Variants in ENKUR observed in about 807,000 individuals in gnomAD.
ENKUR encodes the protein enkurin, TRPC channel interacting protein.
Under a neutral mutation model 27.6 loss-of-function variants are expected in ENKUR, and 19 were observed. The observed-to-expected ratio is 0.69, with a 90% CI of 0.48 to 1.01. The LOEUF (loss-of-function observed/expected upper bound fraction) is 1.01, where lower values mean the gene tolerates loss of function less well. Ranked by LOEUF, ENKUR falls within the 50% of genes least tolerant of loss-of-function variation. The pLI is 0.00. For missense variants in ENKUR, 312 were observed against 310.5 expected (o/e 1.00, Z -0.04); for synonymous variants, 117 against 96.9 (o/e 1.21, Z -1.22).
chr10:25,046,925 A>G (rs12251969), intron 2 of ENKUR, among the ~76,000 whole-genome samples: 10,073 of 152,234 alleles, frequency 0.066, 1,091 homozygotes, highest in African/African-American at 0.23. Context: ...ATGTTTCAGT[A>G]GAAGCTATTT....
chr10:25,020,886 G>A (rs1850706078), upstream of ENKUR, among the ~76,000 whole-genome samples: 1 of 152,178 alleles, frequency 6.6e-6, no homozygotes, highest in African/African-American at 2.4e-5. Context: ...CTGAATAGGA[G>A]GTTAATCAGA....
At chr10:25,034,457 T>C (rs1342238517) in intron 2 of ENKUR, among the ~76,000 whole-genome samples, 1 of 152,206 alleles carries the variant, frequency 6.6e-6, no homozygotes, top group Non-Finnish European at 1.5e-5. Context: ...ATCTGAATGA[T>C]TCCGTTTCCC....
At chr10:25,019,023 G>A (rs1850667666), upstream of ENKUR, among the ~76,000 whole-genome samples, 1 of 152,154 alleles carries the variant, frequency 6.6e-6, no homozygotes, top group Admixed American at 6.5e-5. Flanking sequence ...CAAGTGGGAG[G>A]CCCTCTGAAT....
rs1468679390 is a variant in ENKUR at position 25,040,605 on chromosome 10, C to T, written c.37+20507G>A. 3.9e-5 allele frequency among the ~76,000 whole-genome samples: 6 copies of T among 152,052 alleles called. No homozygotes were observed. The East Asian group carries it at 1.2e-3, about 29-fold the overall frequency. On this transcript the variant is annotated intron_variant, in intron 2 of 5. Transcript: ENST00000615958. The stretch of plus-strand genomic sequence containing the variant: ...CAGGATGGTCTCGATCTCCTGACCG[C>T]GTGATCCACCCACCTCGGCCTCCCA...
intron 4 of ENKUR, among the ~76,000 whole-genome samples, chr10:24,989,077 C>T (rs989616715): frequency 2.0e-5 from 3 of 152,074 alleles, no homozygotes; most frequent in African/African-American, 7.2e-5. Flanking sequence ...AAGGGAAGGA[C>T]CTGTCACTTC....
chr10:25,033,373 C>T lies in ENKUR; in HGVS notation c.37+27739G>A, dbSNP rs551448543. Among the ~76,000 whole-genome samples, 3 of 132,552 alleles carry T rather than the reference C, an allele frequency of 2.3e-5. No individual in the cohort carries two copies. The South Asian group carries it at 6.9e-4, about 31-fold the overall frequency. 87.0% of individuals were successfully genotyped at this position (132,552 alleles called of 152,430 possible). On this transcript the variant is annotated intron_variant, in intron 2 of 5. Transcript: ENST00000615958. ...GAGCTATGATTGTGCCACAGGTCTC[C>T]AGTCTGGGTGACAGAGGAAGACCTC...
intron 4 of ENKUR, among the ~76,000 whole-genome samples, chr10:24,987,504 C>A (rs965831259): frequency 5.3e-5 from 8 of 152,056 alleles, no homozygotes; most frequent in African/African-American, 1.9e-4. Context: ...AAAAAATCAG[C>A]CAGGCATGGT....
intron 4 of ENKUR, among the ~76,000 whole-genome samples, chr10:24,988,294 ATGTATATATATTTATATGTG>A (rs1564334458): frequency 7.0e-6 from 1 of 142,638 alleles, no homozygotes; most frequent in African/African-American, 2.6e-5. Context: ...ATATTTATAT[ATGTATATATATTTATATGTG>A]TGTATATATA....
intron 4 of ENKUR, among the ~76,000 whole-genome samples, chr10:24,989,994 T>C (rs1266666427): frequency 6.6e-6 from 1 of 152,186 alleles, no homozygotes; most frequent in East Asian, 1.9e-4. Context: ...ATGTGAAACC[T>C]AGCACCTGTT....
In ENKUR at chr10:25,010,447, T is replaced by A. The variant is rs562254684; in HGVS notation, c.77+5413A>T. On this transcript the variant is annotated intron_variant, in intron 1 of 5. Coordinates refer to ENST00000331161, the MANE Select transcript of ENKUR (RefSeq NM_145010.4). The stretch of plus-strand genomic sequence containing the variant: ...GTTTGGAATTGGAACTCATTTTTTT[T>A]ATTATTATTATTATACTTTAAGTTT... Among the ~76,000 whole-genome samples, 6 of 151,974 alleles carry A rather than the reference T, an allele frequency of 3.9e-5. No individual in the cohort carries two copies. In the South Asian group the frequency reaches 8.4e-4, roughly 21 times the overall value.
intron 2 of ENKUR, among the ~76,000 whole-genome samples, chr10:25,060,405 A>G (rs774321923): frequency 2.0e-5 from 3 of 152,212 alleles, no homozygotes; most frequent in Non-Finnish European, 4.4e-5. Context: ...ATAGATCCGC[A>G]GCAGAAAACA....
chr10:25,049,264 T>C (rs947579763), intron 2 of ENKUR, among the ~76,000 whole-genome samples: 14 of 152,162 alleles, frequency 9.2e-5, no homozygotes, highest in African/African-American at 3.4e-4. Context: ...CTCAGATAAG[T>C]ATTGCTCTCC....
At chr10:25,055,692 C>A (rs1254003131) in intron 2 of ENKUR, among the ~76,000 whole-genome samples, 1 of 152,132 alleles carries the variant, frequency 6.6e-6, no homozygotes, top group African/African-American at 2.4e-5. Flanking sequence ...ATTTGGGATA[C>A]CTTCTATTCC....
intron 2 of ENKUR, among the ~76,000 whole-genome samples, chr10:25,052,011 A>G (rs1184419891): frequency 6.6e-6 from 1 of 152,264 alleles, no homozygotes; most frequent in Non-Finnish European, 1.5e-5. Context: ...ATAGAAAAAA[A>G]TTCACATTAG....
chr10:25,048,860 AT>A (rs34318277), intron 2 of ENKUR, among the ~76,000 whole-genome samples: 10 of 149,962 alleles, frequency 6.7e-5, no homozygotes, highest in South Asian at 2.1e-4. Flanking sequence ...ATAAAACTTC[AT>A]TTTTTTTTTC....
At chr10:25,014,438 A>G (rs915882607) in intron 1 of ENKUR, among the ~76,000 whole-genome samples, 8 of 152,204 alleles carry the variant, frequency 5.3e-5, no homozygotes, top group Admixed American at 1.3e-4. Flanking sequence ...AAGAACAGAT[A>G]TACTAGTGCA....
In ENKUR at chr10:24,985,715, G is replaced by C. The variant is rs79781019; in HGVS notation, c.595-810C>G. 2.6e-4 allele frequency among the ~76,000 whole-genome samples: 39 copies of C among 152,284 alleles called. 1 individual carries two copies. The East Asian group carries it at 3.9e-3, about 15-fold the overall frequency. ...CCACAGACAAAATGGTCTTAAACTA[G>C]TAATTAAATTAATTCAATGAAATTT... On this transcript the variant is annotated intron_variant, in intron 4 of 5. Transcript: ENST00000331161.
At chr10:25,047,932 A>T (rs924869403) in intron 2 of ENKUR, among the ~76,000 whole-genome samples, 1 of 152,236 alleles carries the variant, frequency 6.6e-6, no homozygotes, top group East Asian at 1.9e-4. Flanking sequence ...CTTGGTCACA[A>T]TTTTTTTATT....
intron 3 of ENKUR, among the ~76,000 whole-genome samples, chr10:24,994,186 A>G (rs1244454451): frequency 2.0e-5 from 3 of 152,058 alleles, no homozygotes; most frequent in African/African-American, 7.2e-5. Flanking sequence ...AGGTCCCTGT[A>G]CATCACTATT....
Sources: allele counts gnomAD v4.1 joint callset (sites outside exome capture counted in the v4.1 genomes callset), GRCh38; gene constraint gnomAD v4.1.1; transcripts MANE v1.5; gene names NCBI Gene and HGNC (gene_info 2026-07-23, HGNC 2026-07-21).